Variants in LRRC7 observed in about 807,000 individuals in gnomAD.
LRRC7 encodes leucine rich repeat containing 7, also known as leucine-rich repeat-containing protein 7.
In LRRC7, 23 loss-of-function variants were observed where a neutral mutation model predicts 175.7. The ratio of observed to expected loss-of-function variants is 0.13; its 90% CI spans 0.09 to 0.19. LRRC7 has a LOEUF of 0.19. Ranked by LOEUF, LRRC7 falls within the 10% of genes least tolerant of loss-of-function variation. The pLI, the probability that LRRC7 is intolerant of heterozygous loss-of-function variation, is 1.00. For synonymous variants in LRRC7, 685 were observed against 680.9 expected, an observed-to-expected ratio of 1.01 and a Z score of -0.09; for missense variants, 1,354 against 1,904.7, an observed-to-expected ratio of 0.71 and a Z score of 5.38.
intron 3 of LRRC7, among the ~76,000 whole-genome samples, chr1:69,765,936 AG>A (rs2100966151): frequency 6.6e-6 from 1 of 152,190 alleles, no homozygotes; most frequent in Non-Finnish European, 1.5e-5. Context: ...TACTCCAAAA[AG>A]CAATAAACAA....
chr1:70,026,087 G>C (rs939640403), intron 17 of LRRC7, among the ~76,000 whole-genome samples: 2 of 151,894 alleles, frequency 1.3e-5, no homozygotes, highest in African/African-American at 4.8e-5. Flanking sequence ...TGTGTCAGAT[G>C]GGACACAGCA....
At chr1:69,681,401 T>G (rs1660474168) in intron 2 of LRRC7, among the ~76,000 whole-genome samples, 1 of 152,186 alleles carries the variant, frequency 6.6e-6, no homozygotes. Flanking sequence ...GGAGATACTG[T>G]ATACGGGAAG....
At chr1:70,104,420 G>T (rs534186550) in intron 25 of LRRC7, among the ~76,000 whole-genome samples, 44 of 152,260 alleles carry the variant, frequency 2.9e-4, no homozygotes, top group Admixed American at 2.6e-3. Flanking sequence ...ACTGACCTTT[G>T]CAGGCAGTCT....
intron 1 of LRRC7, among the ~76,000 whole-genome samples, chr1:69,636,046 G>A (rs2100403602): frequency 6.6e-6 from 1 of 151,852 alleles, no homozygotes; most frequent in Non-Finnish European, 1.5e-5. Context: ...AGTTTGTTTA[G>A]GACATATTCA....
intron 1 of LRRC7, among the ~76,000 whole-genome samples, chr1:69,649,810 G>T (rs960616850): frequency 6.6e-6 from 1 of 151,806 alleles, no homozygotes; most frequent in Non-Finnish European, 1.5e-5. Flanking sequence ...ATTACAAAAC[G>T]GCTTAAGGGT....
chr1:69,633,825 C>T (rs1038241169), intron 1 of LRRC7, among the ~76,000 whole-genome samples: 1 of 152,092 alleles, frequency 6.6e-6, no homozygotes, highest in African/African-American at 2.4e-5. Context: ...CTAGCAGACC[C>T]CTCACCCTGG....
At chr1:69,841,066 G>A (rs1180574891) in intron 7 of LRRC7, among the ~76,000 whole-genome samples, 1 of 152,070 alleles carries the variant, frequency 6.6e-6, no homozygotes, top group Non-Finnish European at 1.5e-5. Context: ...TTAAAGAGAA[G>A]CTAGATTCTC....
chr1:69,815,826 T>C (rs1678520356), intron 4 of LRRC7, among the ~76,000 whole-genome samples: 1 of 152,156 alleles, frequency 6.6e-6, no homozygotes, highest in African/African-American at 2.4e-5. Context: ...CTGTTCCTCA[T>C]AGACAGTACC....
intron 2 of LRRC7, among the ~76,000 whole-genome samples, chr1:69,707,323 G>T (rs911206536): frequency 3.3e-5 from 5 of 152,104 alleles, no homozygotes; most frequent in African/African-American, 1.2e-4. Context: ...GATGGGAGTA[G>T]AAGAATAAAT....
Position 70,137,823 on chromosome 1 carries a change from G to A in LRRC7, c.*15936G>A, listed in dbSNP as rs746743237. 1.3e-5 allele frequency among the ~76,000 whole-genome samples: 2 copies of A among 152,222 alleles called. No individual in the cohort carries two copies. The highest frequency in any genetic ancestry group is 2.1e-4 in the South Asian group (1 of 4,832). ...TAGCAGCCTCTCTAAGCACTAAGAA[G>A]TATAGCCATCTAAATCCTTACAACT... On this transcript the variant is annotated 3_prime_UTR_variant, in exon 27 of 27. Coordinates refer to ENST00000651989, the MANE Select transcript of LRRC7 (RefSeq NM_001370785.2).
At chr1:70,080,212 T>G (rs1663103976) in intron 24 of LRRC7, among the ~76,000 whole-genome samples, 1 of 152,196 alleles carries the variant, frequency 6.6e-6, no homozygotes, top group Non-Finnish European at 1.5e-5. Flanking sequence ...AAATGGAAAC[T>G]TTTATTATTA....
At chr1:69,729,881 C>T (rs1334851164) in intron 2 of LRRC7, among the ~76,000 whole-genome samples, 1 of 152,232 alleles carries the variant, frequency 6.6e-6, no homozygotes, top group Non-Finnish European at 1.5e-5. Context: ...GCCCCTGCAG[C>T]ACAGTTCTTC....
At chr1:69,857,581 C>G (rs568231341) in intron 7 of LRRC7, among the ~76,000 whole-genome samples, 1 of 152,180 alleles carries the variant, frequency 6.6e-6, no homozygotes, top group African/African-American at 2.4e-5. Flanking sequence ...TCAAGGAGAA[C>G]TACAAACTAC....
intron 2 of LRRC7, among the ~76,000 whole-genome samples, chr1:69,752,280 A>G (rs886098083): frequency 1.3e-5 from 2 of 152,170 alleles, no homozygotes; most frequent in Non-Finnish European, 2.9e-5. Context: ...AGGTTTCTCA[A>G]TGAATAAGTC....
chr1:70,047,045 T>C (rs1381239924), intron 22 of LRRC7, among the ~76,000 whole-genome samples: 1 of 152,122 alleles, frequency 6.6e-6, no homozygotes, highest in Non-Finnish European at 1.5e-5. Context: ...CTACTTAAGA[T>C]AGTAAAAATT....
chr1:69,947,402 T>G (rs1465134648), intron 8 of LRRC7, among the ~76,000 whole-genome samples: 1 of 151,966 alleles, frequency 6.6e-6, no homozygotes, highest in Admixed American at 6.6e-5. Flanking sequence ...TTGACTCCTA[T>G]TTCATTTTCT....
intron 17 of LRRC7, among the ~76,000 whole-genome samples, chr1:70,026,422 A>G (rs915049686): frequency 6.6e-6 from 1 of 152,294 alleles, no homozygotes; most frequent in Admixed American, 6.5e-5. Flanking sequence ...TAAAAATTAT[A>G]CTTAATTTGT....
At chr1:69,756,403 G>T (rs1037241048) in intron 2 of LRRC7, among the ~76,000 whole-genome samples, 20 of 151,664 alleles carry the variant, frequency 1.3e-4, no homozygotes, top group Admixed American at 2.6e-4. Flanking sequence ...CAGGATAAAT[G>T]CTTCCAGAGT....
intron 2 of LRRC7, among the ~76,000 whole-genome samples, chr1:69,686,984 A>T (rs1661227154): frequency 6.6e-6 from 1 of 152,228 alleles, no homozygotes; most frequent in South Asian, 2.1e-4. Context: ...GTAACTTCAA[A>T]GCAAAACATA....
Sources: gnomAD v4.1 joint callset for allele counts (sites outside exome capture counted in the v4.1 genomes callset) on GRCh38, gnomAD v4.1.1 for gene constraint, MANE v1.5 for transcripts, NCBI Gene and HGNC (gene_info 2026-07-23, HGNC 2026-07-21) for gene names.